The following ATRNL1 variants were observed in gnomAD, a reference collection of about 807,000 sequenced individuals.
ATRNL1 encodes the protein attractin-like protein 1.
ATRNL1 carries 95 observed loss-of-function variants against 182.7 expected under a neutral mutation model. The ratio of observed to expected loss-of-function variants is 0.52; its 90% confidence interval spans 0.44 to 0.62. The LOEUF is 0.62. Ranked by LOEUF, ATRNL1 falls within the 20% of genes least tolerant of loss-of-function variation. The pLI, the probability that ATRNL1 is intolerant of heterozygous loss-of-function variation, is 0.00. For missense variants in ATRNL1, 1,471 were observed against 1,679.5 expected (o/e 0.88, Z 2.17); for synonymous variants, 576 against 568.3 (o/e 1.01, Z -0.19).
rs75084014 is a variant in ATRNL1, at chr10:115,816,980, C to T, written c.3904-30897C>T. ...TTTTTTAACCTAACTGTTCCTCTTC[C>T]TACTGCATTGCTGGATAATTTGCAA... On this transcript the variant is annotated intron_variant, in intron 27 of 28. Transcript: ENST00000355044. Among the ~76,000 whole-genome samples, 1,124 of 152,182 alleles carry T rather than the reference C, an allele frequency of 7.4e-3. 16 individuals carry two copies. The highest frequency in any genetic ancestry group is 0.026 in the African/African-American group (1,064 of 41,540).
chr10:115,491,268 G>A (rs533142139), intron 24 of ATRNL1, among the ~76,000 whole-genome samples: 5 of 152,262 alleles, frequency 3.3e-5, no homozygotes, highest in South Asian at 2.1e-4. Flanking sequence ...GAGCTTGAAC[G>A]CTCTGCTGGG....
intron 9 of ATRNL1, among the ~76,000 whole-genome samples, chr10:115,217,963 C>T (rs1554896634): frequency 6.6e-6 from 1 of 151,824 alleles, no homozygotes; most frequent in Non-Finnish European, 1.5e-5. Flanking sequence ...GTCAGTGGTC[C>T]CCAACCTTTT....
intron 27 of ATRNL1, among the ~76,000 whole-genome samples, chr10:115,757,645 G>C (rs1948625381): frequency 6.6e-6 from 1 of 152,052 alleles, no homozygotes; most frequent in African/African-American, 2.4e-5. Flanking sequence ...TCTTTGGGTT[G>C]CTCTTCTCAA....
intron 24 of ATRNL1, among the ~76,000 whole-genome samples, chr10:115,486,117 T>C (rs2134634703): frequency 6.6e-6 from 1 of 152,302 alleles, no homozygotes; most frequent in Middle Eastern, 3.4e-3. Flanking sequence ...GGTGTATATG[T>C]GCCACATTTT....
intron 10 of ATRNL1, among the ~76,000 whole-genome samples, chr10:115,260,623 A>G (rs1310529754): frequency 6.6e-6 from 1 of 152,196 alleles, no homozygotes; most frequent in African/African-American, 2.4e-5. Context: ...ATAAGAAATT[A>G]GGGGAAATAA....
At chr10:115,121,390 G>A (rs1386476513) in intron 2 of ATRNL1, among the ~76,000 whole-genome samples, 2 of 152,310 alleles carry the variant, frequency 1.3e-5, no homozygotes, top group East Asian at 1.9e-4. Context: ...GATTACAGGC[G>A]AGAGCCACTG....
rs145113553 is a variant in ATRNL1 at position 115,507,606 on chromosome 10, C to A, written c.3655-11657C>A. On this transcript the variant is annotated intron_variant, in intron 24 of 28. Transcript: ENST00000355044. The stretch of plus-strand genomic sequence containing the variant: ...GGTAACCTTCTAAGCCTTGATTTAT[C>A]ATCTATAAAATGAAATTAATAACAT... Among the ~76,000 whole-genome samples the A allele has an allele frequency of 3.3e-5, 5 of 152,110 alleles. No homozygotes were observed. The East Asian group carries it at 9.7e-4, about 29-fold the overall frequency.
chr10:115,892,143 G>A (rs1555111415), intron 28 of ATRNL1, among the ~76,000 whole-genome samples: 1 of 152,094 alleles, frequency 6.6e-6, no homozygotes, highest in African/African-American at 2.4e-5. Flanking sequence ...GGCACTTGAG[G>A]CTTTTTTTCT....
intron 4 of ATRNL1, among the ~76,000 whole-genome samples, chr10:115,129,106 A>G (rs1265867693): frequency 6.6e-6 from 1 of 152,194 alleles, no homozygotes; most frequent in Non-Finnish European, 1.5e-5. Flanking sequence ...CTTGGTATCA[A>G]AGTAAATCTG....
At chr10:115,385,674 C>T (rs1328323863) in intron 19 of ATRNL1, among the ~76,000 whole-genome samples, 1 of 151,872 alleles carries the variant, frequency 6.6e-6, no homozygotes, top group Non-Finnish European at 1.5e-5. Context: ...TTTTTTCTTC[C>T]AGAAATTGTA....
At chr10:115,940,567 TAC>T (rs1953696971) in intron 28 of ATRNL1, among the ~76,000 whole-genome samples, 1 of 152,148 alleles carries the variant, frequency 6.6e-6, no homozygotes, top group Non-Finnish European at 1.5e-5. Flanking sequence ...GGGGAGGTAA[TAC>T]AGTCTTTTTA....
At chr10:115,759,957 G>T (rs2134141665) in intron 27 of ATRNL1, among the ~76,000 whole-genome samples, 1 of 148,428 alleles carries the variant, frequency 6.7e-6, no homozygotes, top group South Asian at 2.1e-4. Flanking sequence ...CTCCCAAAGT[G>T]CTGCGATTAC....
chr10:115,610,509 C>G (rs1857099402), intron 26 of ATRNL1, among the ~76,000 whole-genome samples: 1 of 152,150 alleles, frequency 6.6e-6, no homozygotes, highest in South Asian at 2.1e-4. Flanking sequence ...AGCTATTTAT[C>G]ATTTTAGTCT....
intron 26 of ATRNL1, among the ~76,000 whole-genome samples, chr10:115,639,887 G>C (rs1555029653): frequency 1.5e-4 from 23 of 151,988 alleles, no homozygotes. Flanking sequence ...CATGTGCCAT[G>C]GTGGTTTGTT....
At chr10:115,324,066 C>T (rs183029175) in intron 18 of ATRNL1, among the ~76,000 whole-genome samples, 14 of 152,294 alleles carry the variant, frequency 9.2e-5, no homozygotes, top group Admixed American at 1.3e-4. Context: ...TGTGAGCCAC[C>T]GCGTCTGACC....
At chr10:115,228,336 T>G (rs1233764016) in intron 9 of ATRNL1, among the ~76,000 whole-genome samples, 3 of 152,154 alleles carry the variant, frequency 2.0e-5, no homozygotes, top group Non-Finnish European at 4.4e-5. Context: ...CAAAAATGAT[T>G]CCTTTTATGT....
chr10:115,621,307 AGAGAGAGT>A (rs199759481), intron 26 of ATRNL1, among the ~76,000 whole-genome samples: 8,980 of 133,496 alleles, frequency 0.067, 498 homozygotes, highest in Middle Eastern at 0.11. Flanking sequence ...AGAGAGAGAG[AGAGAGAGT>A]GTGTGAGTGA....
At chr10:115,160,969 A>C (rs1332724058) in intron 6 of ATRNL1, among the ~76,000 whole-genome samples, 3 of 151,956 alleles carry the variant, frequency 2.0e-5, no homozygotes, top group African/African-American at 7.2e-5. Flanking sequence ...AGATAAATAT[A>C]CAGGATACCC....
At chr10:115,272,166 C>G (rs1327525241) in intron 13 of ATRNL1, among the ~76,000 whole-genome samples, 2 of 152,208 alleles carry the variant, frequency 1.3e-5, no homozygotes, top group African/African-American at 4.8e-5. Flanking sequence ...GCTTGCAGAA[C>G]TGTGAACTAA....
Sources: gnomAD v4.1 joint callset for allele counts (sites outside exome capture counted in the v4.1 genomes callset) on GRCh38, gnomAD v4.1.1 for gene constraint, MANE v1.5 for transcripts, NCBI Gene and HGNC (gene_info 2026-07-23, HGNC 2026-07-21) for gene names.